HLA-F: variants seen among roughly 807,000 people sequenced by gnomAD.
HLA-F encodes major histocompatibility complex, class I, F, also known as HLA class I histocompatibility antigen, alpha chain F.
In HLA-F, 46 loss-of-function variants were observed where a neutral mutation model predicts 49.5. The ratio of observed to expected loss-of-function variants is 0.93; its 90% CI spans 0.73 to 1.19. The LOEUF (loss-of-function observed/expected upper bound fraction) is 1.19, where lower values mean the gene tolerates loss of function less well. Among genes scored for constraint, HLA-F ranks in the 50% most tolerant of loss-of-function variants. The pLI is 0.00. For missense variants in HLA-F, 496 were observed against 579.6 expected, an observed-to-expected ratio of 0.86 and a Z score of 1.48; for synonymous variants, 203 against 233.5, an observed-to-expected ratio of 0.87 and a Z score of 1.19.
downstream of HLA-F, among the ~76,000 whole-genome samples, chr6:29,731,536 AG>A (rs1776614531): frequency 6.6e-6 from 1 of 151,816 alleles, no homozygotes; most frequent in African/African-American, 2.4e-5. Flanking sequence ...AGAGAGAGAG[AG>A]AGAGAAAATT....
In HLA-F at chr6:29,737,218, C is replaced by CAAAAAAAAA. The variant is rs3030698; in HGVS notation, c.404-889_404-881dup. 7.4e-3 allele frequency among the ~76,000 whole-genome samples: 483 copies of CAAAAAAAAA among 65,154 alleles called. 22 individuals carry two copies. Among genetic ancestry groups the CAAAAAAAAA allele is most frequent in the South Asian group, 0.028 (28 of 1,012 alleles). 42.7% of individuals were successfully genotyped at this position (65,154 alleles called of 152,430 possible). A position where few individuals can be genotyped will look rare whatever the true frequency, so the allele number is the denominator to read the frequency against. The stretch of plus-strand genomic sequence containing the variant: ...GATATAGTACCATCAATCCTCATGG[C>CAAAAAAAAA]AAAAAAAAAAAAAAAAAAAAAAACC... On this transcript the variant is annotated intron_variant, in intron 3 of 4. Transcript: ENST00000465459.
chr6:29,723,742 A>T lies in HLA-F; in HGVS notation c.149A>T (p.Asp50Val), dbSNP rs1237060128. ...CGCTACATCGCCGTGGAGTACGTAG[A>T]CGACACGCAATTCCTGCGGTTCGAC... ...EPRYIAVEYV[D>V]DTQFLRFDSD... Residue 50 changes from aspartate to valine, a missense_variant, in exon 2 of 7, where the codon GAC becomes GTC. By Grantham distance (152) the Asp-to-Val change is radical. Transcript: ENST00000259951. 1.2e-6 allele frequency: 2 copies of T among 1,612,066 alleles called. No individual in the cohort carries two copies. The highest frequency in any genetic ancestry group is 2.7e-5 in the African/African-American group (2 of 74,916).
chr6:29,726,842 A>G, intron 6 of HLA-F, 41 bp from the exon 7 acceptor site: 3 of 1,596,126 alleles, frequency 1.9e-6, no homozygotes. Flanking sequence ...TAACATCCAC[A>G]GTGAACACAA....
intron 6 of HLA-F, chr6:29,726,267 T>G (rs1293848962): frequency 9.9e-7 from 1 of 1,010,252 alleles, no homozygotes; most frequent in Non-Finnish European, 1.6e-6. Flanking sequence ...AGTGGGGTGT[T>G]GGGGGGGAAC....
chr6:29,731,227 GGATACATAGATAGATAGATA>G (rs1489041384), downstream of HLA-F, among the ~76,000 whole-genome samples: 85 of 131,344 alleles, frequency 6.5e-4, 1 homozygote, highest in East Asian at 2.6e-3. Context: ...TAGAGTAGAT[GGATACATAGATAGATAGATA>G]GATAGATAGA....
At chr6:29,724,519 G>C in intron 3 of HLA-F, 71 bp downstream of exon 3, 1 of 1,528,026 alleles carries the variant, frequency 6.5e-7, no homozygotes, top group Non-Finnish European at 9.0e-7. Flanking sequence ...AAGGTTGGGA[G>C]GAAAGTGGAC....
chr6:29,728,080 G>A (rs747103638), downstream of HLA-F: 3 of 518,862 alleles, frequency 5.8e-6, no homozygotes, highest in Non-Finnish European at 1.2e-5. Context: ...TGAGGAGGAG[G>A]TGCTACCAGC....
intron 1 of HLA-F, 50 bp from the exon 2 acceptor site, chr6:29,723,608 G>C: frequency 6.3e-7 from 1 of 1,599,774 alleles, no homozygotes; most frequent in Admixed American, 1.7e-5. Flanking sequence ...GACTCAGGGA[G>C]CCGCCTCCGG....
At chr6:29,726,174 C>G (rs1776044090) in intron 6 of HLA-F, 131 bp downstream of exon 6, 1 of 1,028,200 alleles carries the variant, frequency 9.7e-7, no homozygotes, top group South Asian at 1.3e-5. Context: ...TTTGTTCTAC[C>G]CCAATCACTG....
chr6:29,732,795 T>C (rs538974367), intron 3 of HLA-F, among the ~76,000 whole-genome samples: 1 of 152,188 alleles, frequency 6.6e-6, no homozygotes, highest in Non-Finnish European at 1.5e-5. Context: ...GAAAACTACT[T>C]GTAAAATAAT....
chr6:29,730,711 C>A (rs1469996099), downstream of HLA-F, among the ~76,000 whole-genome samples: 1 of 152,142 alleles, frequency 6.6e-6, no homozygotes, highest in African/African-American at 2.4e-5. Context: ...CTGTCCATTA[C>A]TCACACAAAG....
chr6:29,728,648 GAA>G, downstream of HLA-F: 1 of 152,272 alleles, frequency 6.6e-6, no homozygotes, highest in Non-Finnish European at 1.5e-5. Context: ...TTCCATCAAA[GAA>G]ATAATATTTT....
In HLA-F at chr6:29,727,096, GC is replaced by G. The variant is rs761841615; in HGVS notation, c.1251del (p.Phe418LeufsTer16). On this transcript the variant is annotated frameshift_variant, in exon 7 of 7. Transcript: ENST00000259951. LOFTEE classifies it high-confidence loss of function. Reference sequence around the variant, plus strand: ...TTGCAAAGCCTTCGCTTTGGCTTCGGCTTTAGGAGGGGCAGGAGCTTCCTTC... The same window carrying G: ...TTGCAAAGCCTTCGCTTTGGCTTCGGTTTAGGAGGGGCAGGAGCTTCCTTC... Reference protein sequence around the residue: ...LALQSLRFGFGFRRGRSFLLR... With the variant: ...LALQSLRFGFXFRRGRSFLLR... 1.2e-6 allele frequency: 2 copies of G among 1,612,832 alleles called. No homozygotes were observed. The highest frequency in any genetic ancestry group is 2.2e-5 in the South Asian group (2 of 91,030).
At chr6:29,732,665 C>T (rs1776726305) in intron 3 of HLA-F, among the ~76,000 whole-genome samples, 1 of 151,890 alleles carries the variant, frequency 6.6e-6, no homozygotes, top group African/African-American at 2.4e-5. Context: ...CCAGTCTGGT[C>T]TCGAATTCCT....
At chr6:29,728,917 G>A (rs1235077760), downstream of HLA-F, 1 of 152,128 alleles carries the variant, frequency 6.6e-6, no homozygotes, top group African/African-American at 2.4e-5. Context: ...AATTTCCTTG[G>A]ATTCCTGAGG....
chr6:29,725,467 A>AT lies in HLA-F; in HGVS notation c.908dup (p.Ile305HisfsTer32). 1 of 1,614,008 alleles carries AT rather than the reference A, an allele frequency of 6.2e-7. No individual in the cohort carries two copies. Among genetic ancestry groups the AT allele is most frequent in the Non-Finnish European group, 8.5e-7 (1 of 1,179,958 alleles). ...CCCAGAGCAGTCTCCCCAGCCCACCATCCCCATCGTGGGCATCGTTGCTGG... is the reference window on the plus strand; with the variant it reads ...CCCAGAGCAGTCTCCCCAGCCCACCATTCCCCATCGTGGGCATCGTTGCTGG... On this transcript the variant is annotated frameshift_variant, in exon 5 of 7. Coordinates refer to ENST00000259951, the MANE Select transcript of HLA-F (RefSeq NM_001098479.2). LOFTEE classifies it high-confidence loss of function.
Position 29,724,214 on chromosome 6 carries a change from C to A in HLA-F, c.376C>A (p.Pro126Thr), listed in dbSNP as rs1211902698. ...LQGMNGCDMG[P>T]DGRLLRGYHQ... ...GGGAATGAATGGCTGCGACATGGGG[C>A]CCGACGGACGCCTCCTCCGCGGGTA... is the stretch of plus-strand genomic sequence containing the variant. Residue 126 changes from proline (P) to threonine (T), a missense_variant, in exon 3 of 7, where the codon CCC (proline) becomes ACC (threonine). Physicochemically the swap from Pro to Thr is conservative, Grantham distance 38 (BLOSUM62 -1). Coordinates refer to ENST00000259951, the MANE Select transcript of HLA-F (RefSeq NM_001098479.2). The A allele has an allele frequency of 6.2e-7, 1 of 1,613,158 alleles. No homozygotes were observed. Among genetic ancestry groups the A allele is most frequent in the Non-Finnish European group, 8.5e-7 (1 of 1,180,034 alleles).
intron 3 of HLA-F, among the ~76,000 whole-genome samples, chr6:29,737,218 C>CAAAAAAAAAAAAAAAAAAAA (rs3030698): frequency 6.1e-5 from 4 of 65,202 alleles, no homozygotes; most frequent in East Asian, 5.3e-4. Flanking sequence ...ATCCTCATGG[C>CAAAAAAAAAAAAAAAAAAAA]AAAAAAAAAA....
intron 6 of HLA-F, 134 bp from the exon 7 acceptor site, chr6:29,726,749 C>A: frequency 8.2e-7 from 1 of 1,216,876 alleles, no homozygotes; most frequent in Non-Finnish European, 1.2e-6. Flanking sequence ...CTCTCTCCAT[C>A]AGACTGAATC....
Sources: allele counts gnomAD v4.1 joint callset (sites outside exome capture counted in the v4.1 genomes callset), GRCh38; gene constraint gnomAD v4.1.1; transcripts MANE v1.5; gene names NCBI Gene and HGNC (gene_info 2026-07-23, HGNC 2026-07-21).